Variants in SYNE3 observed in about 807,000 individuals in gnomAD.
SYNE3 encodes spectrin repeat containing nuclear envelope family member 3.
SYNE3 carries 100 observed loss-of-function variants against 111.2 expected under a neutral mutation model. The observed-to-expected ratio is 0.90, with a 90% confidence interval of 0.77 to 1.06. SYNE3 has a LOEUF of 1.06. SYNE3 is among the 50% of genes least tolerant of loss of function. SYNE3 has a pLI of 0.00. For missense variants in SYNE3, 1,160 were observed against 1,240.3 expected (o/e 0.94, Z 0.97); for synonymous variants, 547 against 533.9 (o/e 1.02, Z -0.34).
intron 6 of SYNE3, among the ~76,000 whole-genome samples, chr14:95,453,381 G>A (rs547099551): frequency 1.6e-4 from 24 of 152,268 alleles, no homozygotes; most frequent in Non-Finnish European, 1.6e-4. Flanking sequence ...TTAGCCTGGG[G>A]TGACCCACGG....
rs1009581043 is a variant in SYNE3, at chr14:95,460,629, C to A, written c.628-3291G>T. Among the ~76,000 whole-genome samples, 3 of 93,974 alleles carry A rather than the reference C, an allele frequency of 3.2e-5. No homozygotes were observed. The East Asian group carries it at 1.0e-3, about 32-fold the overall frequency. 61.7% of individuals were successfully genotyped at this position (93,974 alleles called of 152,430 possible). On this transcript the variant is annotated intron_variant, in intron 4 of 17. Transcript: ENST00000682763. The stretch of plus-strand genomic sequence containing the variant: ...TGCTTGAATCTGAAAGTGGAGCAAG[C>A]GAGGGGACAGTCCCCTTCATGCTTC...
intron 15 of SYNE3, among the ~76,000 whole-genome samples, chr14:95,434,796 T>C (rs1254785072): frequency 6.6e-6 from 1 of 152,172 alleles, no homozygotes; most frequent in Non-Finnish European, 1.5e-5. Context: ...TAGCTGGGAT[T>C]ACAGGCATGC....
chr14:95,471,253 T>C (rs949150665), intron 2 of SYNE3, among the ~76,000 whole-genome samples: 70 of 152,164 alleles, frequency 4.6e-4, no homozygotes, highest in African/African-American at 1.7e-3. Flanking sequence ...CCATCTCCCT[T>C]GGCCACACCC....
intron 4 of SYNE3, among the ~76,000 whole-genome samples, chr14:95,458,705 G>A (rs1887611744): frequency 6.6e-6 from 1 of 152,216 alleles, no homozygotes; most frequent in African/African-American, 2.4e-5. Flanking sequence ...GGATCCAGGA[G>A]GTTCCTAGAA....
chr14:95,515,421 T>C (rs1595269037), intron 1 of SYNE3, among the ~76,000 whole-genome samples: 1 of 152,316 alleles, frequency 6.6e-6, no homozygotes. Context: ...GCCCTGGAAG[T>C]GCAGGCGGCA....
At chr14:95,514,163 G>C (rs757402381) in intron 1 of SYNE3, among the ~76,000 whole-genome samples, 3 of 152,146 alleles carry the variant, frequency 2.0e-5, no homozygotes, top group Non-Finnish European at 4.4e-5. Context: ...GGCAGCCCAG[G>C]GTTGGAGCTT....
intron 10 of SYNE3, 50 bp from the exon 11 acceptor site, chr14:95,443,339 C>A (rs1886514651): frequency 6.2e-7 from 1 of 1,608,984 alleles, no homozygotes; most frequent in African/African-American, 1.3e-5. Context: ...CTCTCCCTCC[C>A]TTGGGGTGGC....
chr14:95,408,434 C>T lies in SYNE3; in HGVS notation c.*9392G>A, dbSNP rs1157014715. 1 of 152,308 alleles carries T rather than the reference C, an allele frequency of 6.6e-6. No homozygotes were observed. The highest frequency in any genetic ancestry group is 6.5e-5 in the Admixed American group (1 of 15,288). 9.4% of individuals were successfully genotyped at this position (152,308 alleles called of 1,614,324 possible). On this transcript the variant is annotated 3_prime_UTR_variant, in exon 18 of 18. Coordinates refer to ENST00000682763, the MANE Select transcript of SYNE3 (RefSeq NM_152592.6). ...AAAGAGGGCATCGTGTCTAAACCAG[C>T]CCAAGGAAATTCCCAGATGACACAG...
intron 17 of SYNE3, among the ~76,000 whole-genome samples, chr14:95,420,613 G>A (rs1885061626): frequency 6.6e-6 from 1 of 152,158 alleles, no homozygotes; most frequent in Admixed American, 6.5e-5. Context: ...CCCAGTGCCT[G>A]TTTACTTAGA....
In SYNE3 at chr14:95,433,211, CTA is replaced by C. The variant is rs1409250309; in HGVS notation, c.2688+47_2688+48del. The C allele has an allele frequency of 9.4e-6, 15 of 1,597,000 alleles. No individual in the cohort carries two copies. In the East Asian group the frequency reaches 3.3e-4, roughly 36 times the overall value. On this transcript the variant is annotated intron_variant, in intron 16 of 17. Transcript: ENST00000682763. The stretch of plus-strand genomic sequence containing the variant: ...GTATCCCCAGGCAAATACGGCCCAG[CTA>C]TAGTCCTGTCCCTGGAATCTGGGAC...
At chr14:95,478,112 T>C (rs1016596021) in intron 1 of SYNE3, among the ~76,000 whole-genome samples, 2 of 151,970 alleles carry the variant, frequency 1.3e-5, no homozygotes, top group African/African-American at 4.8e-5. Context: ...CCCGGTGGGG[T>C]TGAGCAGGCG....
chr14:95,454,488 T>A (rs1019929923), intron 6 of SYNE3, among the ~76,000 whole-genome samples: 1 of 152,184 alleles, frequency 6.6e-6, no homozygotes, highest in Non-Finnish European at 1.5e-5. Context: ...AAAGTCCCCA[T>A]CCCTCACCAC....
intron 1 of SYNE3, among the ~76,000 whole-genome samples, chr14:95,496,627 C>G (rs1156926281): frequency 1.3e-5 from 2 of 152,190 alleles, no homozygotes; most frequent in East Asian, 3.9e-4. Flanking sequence ...CCCCTAAGAC[C>G]CCCTATCTCA....
rs184538491 is a variant in SYNE3 at position 95,481,093 on chromosome 14, G to A, written c.-14-5258C>T. Reference sequence around the variant, plus strand: ...CACCTGGTCAGTAATAGGTGCGTGGGGCACAGGAGCGGCTGTTACCTTCCA... The same window carrying A: ...CACCTGGTCAGTAATAGGTGCGTGGAGCACAGGAGCGGCTGTTACCTTCCA... On this transcript the variant is annotated intron_variant, in intron 1 of 17. Coordinates refer to ENST00000682763, the MANE Select transcript of SYNE3 (RefSeq NM_152592.6). 1.8e-3 allele frequency among the ~76,000 whole-genome samples: 272 copies of A among 152,356 alleles called. 2 individuals are homozygous for A. The highest frequency in any genetic ancestry group is 6.2e-3 in the African/African-American group (257 of 41,582).
rs144095171 is a variant in SYNE3 at position 95,475,786 on chromosome 14, G to A, written c.36C>T (p.Ser12=). 15 of 1,595,490 alleles carry A rather than the reference G, an allele frequency of 9.4e-6. No homozygotes were observed. In the East Asian group the frequency reaches 1.6e-4, roughly 17 times the overall value. The part of the protein sequence containing the change: ...TQQPQDDFDR[S]VEDAQAWMKA... ...TCATCCATGCCTGGGCATCCTCCAC[G>A]CTCCTGTCAAAGTCGTCCTGGGGCT... Residue 12 remains serine, a synonymous_variant, in exon 2 of 18, where the codon AGC becomes AGT. Coordinates refer to ENST00000682763, the MANE Select transcript of SYNE3 (RefSeq NM_152592.6).
Position 95,430,223 on chromosome 14 carries a change from C to G in SYNE3, c.2727+1856G>C, listed in dbSNP as rs868492037. ...GACCAGACTTGACACCCACATGGAT[C>G]CTGGCCTAGGGGCTGCATAGGTGGG... On this transcript the variant is annotated intron_variant, in intron 17 of 17. Coordinates refer to ENST00000682763, the MANE Select transcript of SYNE3 (RefSeq NM_152592.6). Among the ~76,000 whole-genome samples, 3 of 152,152 alleles carry G rather than the reference C, an allele frequency of 2.0e-5. No individual in the cohort carries two copies. The South Asian group carries it at 6.2e-4, about 32-fold the overall frequency.
At chr14:95,464,686 C>T (rs769716300) in intron 4 of SYNE3, among the ~76,000 whole-genome samples, 13 of 152,192 alleles carry the variant, frequency 8.5e-5, no homozygotes, top group Non-Finnish European at 1.5e-4. Context: ...AGGAGGAGCC[C>T]AGCTGAAGCC....
chr14:95,511,849 T>C lies in SYNE3; in HGVS notation c.-15+4747A>G, dbSNP rs141573949. ...GTGACCCAAGACTCTCACTGGTCTG[T>C]CTGTCGGGTGGTGTCTGCATGAGAG... On this transcript the variant is annotated intron_variant, in intron 1 of 17. Coordinates refer to ENST00000682763, the MANE Select transcript of SYNE3 (RefSeq NM_152592.6). Among the ~76,000 whole-genome samples, 480 of 152,330 alleles carry C rather than the reference T, an allele frequency of 3.2e-3. 3 individuals carry two copies. The highest frequency in any genetic ancestry group is 0.011 in the African/African-American group (460 of 41,578).
intron 1 of SYNE3, among the ~76,000 whole-genome samples, chr14:95,493,464 A>G (rs1359812348): frequency 6.6e-6 from 1 of 152,226 alleles, no homozygotes; most frequent in Non-Finnish European, 1.5e-5. Flanking sequence ...TGAACTCCGG[A>G]GCTGCAGCTG....
Sources: allele counts gnomAD v4.1 joint callset (sites outside exome capture counted in the v4.1 genomes callset), GRCh38; gene constraint gnomAD v4.1.1; transcripts MANE v1.5; gene names NCBI Gene and HGNC (gene_info 2026-07-23, HGNC 2026-07-21).